Variants in HORMAD2 observed in about 807,000 individuals in gnomAD.
HORMAD2 encodes HORMA domain-containing protein 2.
A neutral mutation model predicts 38.8 loss-of-function variants in HORMAD2; 45 were observed. That is an observed-to-expected ratio of 1.16 (90% CI 0.91 to 1.49). The LOEUF is 1.49. HORMAD2 is among the 40% of genes most tolerant of loss of function. The pLI is 0.00. For synonymous variants in HORMAD2, 126 were observed against 122.8 expected (o/e 1.03, Z -0.17); for missense variants, 338 against 367.0 (o/e 0.92, Z 0.65).
the HORMAD2 span, among the ~76,000 whole-genome samples, chr22:30,187,952 C>T: frequency 3.8e-4 from 58 of 152,134 alleles, no homozygotes; most frequent in African/African-American, 1.3e-3. Flanking sequence ...GTAGGCTAGT[C>T]AACAGGAAAC....
chr22:30,139,959 G>A (rs1007474569), intron 10 of HORMAD2, among the ~76,000 whole-genome samples: 10 of 151,936 alleles, frequency 6.6e-5, no homozygotes, highest in African/African-American at 2.4e-4. Context: ...GTGTATCTGT[G>A]TGTGTGTGTG....
At chr22:30,185,986 A>AG in the HORMAD2 span, among the ~76,000 whole-genome samples, 1 of 150,554 alleles carries the variant, frequency 6.6e-6, no homozygotes. Context: ...TAAGAAAAAA[A>AG]CAACCTTGTG....
intron 10 of HORMAD2, among the ~76,000 whole-genome samples, chr22:30,158,583 CTCCT>C (rs575261621): frequency 1.3e-4 from 11 of 81,748 alleles, no homozygotes; most frequent in Admixed American, 4.1e-4. Flanking sequence ...CCTTCCCCTT[CTCCT>C]TCCTTCCTTC....
intron 10 of HORMAD2, among the ~76,000 whole-genome samples, chr22:30,172,550 A>G (rs148109496): frequency 6.6e-6 from 1 of 152,276 alleles, no homozygotes; most frequent in Non-Finnish European, 1.5e-5. Context: ...GCCAATAATT[A>G]AAGAGCATCT....
intron 10 of HORMAD2, among the ~76,000 whole-genome samples, chr22:30,165,061 C>A (rs1432230287): frequency 2.6e-5 from 4 of 151,958 alleles, no homozygotes; most frequent in Non-Finnish European, 5.9e-5. Context: ...CTTGTTTTGG[C>A]TCTTAGGTTT....
chr22:30,132,075 C>T (rs948181157), intron 10 of HORMAD2, among the ~76,000 whole-genome samples: 26 of 152,194 alleles, frequency 1.7e-4, no homozygotes, highest in African/African-American at 6.0e-4. Flanking sequence ...TCATTCAAAA[C>T]CTATTGTCTC....
intron 10 of HORMAD2, among the ~76,000 whole-genome samples, chr22:30,175,315 T>TAG (rs1182487157): frequency 8.5e-5 from 11 of 130,124 alleles, no homozygotes; most frequent in African/African-American, 3.2e-4. Context: ...ATATATAATA[T>TAG]AATATATATA....
intron 10 of HORMAD2, chr22:30,137,729 T>C (rs1923767866): frequency 6.4e-6 from 1 of 156,958 alleles, no homozygotes; most frequent in South Asian, 1.9e-4. Context: ...AGTTCATCCA[T>C]GTATGGCATG....
chr22:30,115,214 C>T (rs1045877461), intron 7 of HORMAD2, among the ~76,000 whole-genome samples: 2 of 152,116 alleles, frequency 1.3e-5, no homozygotes, highest in Non-Finnish European at 2.9e-5. Flanking sequence ...GCAGCCTTGA[C>T]CTTCTAGGCC....
intron 1 of HORMAD2, among the ~76,000 whole-genome samples, chr22:30,091,495 G>A (rs796418488): frequency 1.3e-4 from 19 of 151,890 alleles, no homozygotes; most frequent in African/African-American, 4.6e-4. Context: ...TGAACTCCTG[G>A]GCTCAAGCAA....
rs1195710905 is a variant in HORMAD2, at chr22:30,163,720, G to A, written c.820-12343G>A. The stretch of plus-strand genomic sequence containing the variant: ...TGGGATTACAGGCATGAACCACCAC[G>A]CCCGGCCATGTGCTGACTTTTATTT... On this transcript the variant is annotated intron_variant, in intron 10 of 10. Transcript: ENST00000336726. 3.9e-5 allele frequency among the ~76,000 whole-genome samples: 6 copies of A among 152,092 alleles called. No homozygotes were observed. In the East Asian group the frequency reaches 7.7e-4, roughly 20 times the overall value.
downstream of HORMAD2, among the ~76,000 whole-genome samples, chr22:30,180,751 C>A (rs376050294): frequency 1.8e-4 from 28 of 151,720 alleles, no homozygotes; most frequent in African/African-American, 6.5e-4. Flanking sequence ...ACTTAGGATT[C>A]CTTCTTTCTT....
At chr22:30,143,649 G>A (rs1173905606) in intron 10 of HORMAD2, among the ~76,000 whole-genome samples, 3 of 152,098 alleles carry the variant, frequency 2.0e-5, no homozygotes, top group African/African-American at 7.2e-5. Context: ...ATGTCTATTT[G>A]TGGATCTTTT....
chr22:30,087,938 TA>T (rs2068599131), intron 1 of HORMAD2, among the ~76,000 whole-genome samples: 1 of 152,078 alleles, frequency 6.6e-6, no homozygotes, highest in Non-Finnish European at 1.5e-5. Context: ...AGGCTCTTTC[TA>T]CTAGATTATA....
At chr22:30,108,382 C>T (rs1921366328) in intron 5 of HORMAD2, among the ~76,000 whole-genome samples, 1 of 152,160 alleles carries the variant, frequency 6.6e-6, no homozygotes, top group Admixed American at 6.5e-5. Flanking sequence ...CTGTCCAGGG[C>T]ATCACTGTCA....
At chr22:30,086,029 G>A (rs2068564876) in intron 1 of HORMAD2, among the ~76,000 whole-genome samples, 1 of 152,226 alleles carries the variant, frequency 6.6e-6, no homozygotes, top group Non-Finnish European at 1.5e-5. Context: ...AATCCCCAGT[G>A]TTGGAGGAGG....
the HORMAD2 span, among the ~76,000 whole-genome samples, chr22:30,193,425 A>G: frequency 6.6e-6 from 1 of 152,216 alleles, no homozygotes; most frequent in East Asian, 1.9e-4. Context: ...AACAAACACC[A>G]GAAAAAGTAA....
At chr22:30,151,690 A>T (rs1282513654) in intron 10 of HORMAD2, among the ~76,000 whole-genome samples, 1 of 152,190 alleles carries the variant, frequency 6.6e-6, no homozygotes, top group African/African-American at 2.4e-5. Context: ...ATGTTTTAAA[A>T]TTTCTTACTC....
chr22:30,125,531 C>T (rs942363858), intron 10 of HORMAD2, among the ~76,000 whole-genome samples: 1 of 151,858 alleles, frequency 6.6e-6, no homozygotes, highest in African/African-American at 2.4e-5. Flanking sequence ...CCTGGCTCAT[C>T]TTTCACTTTC....
Sources: allele counts gnomAD v4.1 joint callset (sites outside exome capture counted in the v4.1 genomes callset), GRCh38; gene constraint gnomAD v4.1.1; transcripts MANE v1.5; gene names NCBI Gene and HGNC (gene_info 2026-07-23, HGNC 2026-07-21).